Variants in MAD1L1 observed in about 807,000 individuals in gnomAD.
MAD1L1 encodes the protein mitotic arrest deficient 1 like 1, also known as mitotic spindle assembly checkpoint protein MAD1.
Under a neutral mutation model 96.9 loss-of-function variants are expected in MAD1L1, and 95 were observed. That is an observed-to-expected ratio of 0.98 (90% confidence interval 0.83 to 1.16). The LOEUF (loss-of-function observed/expected upper bound fraction) is 1.16. Among genes scored for constraint, MAD1L1 ranks in the 50% most tolerant of loss-of-function variants. The pLI, the probability that MAD1L1 is intolerant of heterozygous loss-of-function variation, is 0.00. For missense variants in MAD1L1, 1,007 were observed against 954.4 expected (o/e 1.06, Z -0.73); for synonymous variants, 473 against 396.6 (o/e 1.19, Z -2.29).
At chr7:2,222,994 T>C (rs1793691254) in intron 4 of MAD1L1, among the ~76,000 whole-genome samples, 1 of 152,202 alleles carries the variant, frequency 6.6e-6, no homozygotes, top group Non-Finnish European at 1.5e-5. Flanking sequence ...GGAAGGGCAC[T>C]TGGCACAGAT....
Position 1,845,626 on chromosome 7 carries a change from G to A in MAD1L1, c.1999-29398C>T, listed in dbSNP as rs138850376. ...AGACATGCGTCCGGCTCTGGTTCAC[G>A]GGGAAGAGCGCTGTTTAGGAGACGG... On this transcript the variant is annotated intron_variant, in intron 18 of 18. Coordinates refer to ENST00000265854, the MANE Select transcript of MAD1L1 (RefSeq NM_001013836.2). The A allele has an allele frequency of 6.1e-3, 887 of 144,652 alleles. 24 individuals carry two copies. The highest frequency in any genetic ancestry group is 0.019 in the African/African-American group (757 of 40,094). 9.0% of individuals were successfully genotyped at this position (144,652 alleles called of 1,614,324 possible).
At chr7:2,059,481 AT>A (rs1303252118) in intron 12 of MAD1L1, among the ~76,000 whole-genome samples, 1 of 146,776 alleles carries the variant, frequency 6.8e-6, no homozygotes, top group African/African-American at 2.5e-5. Flanking sequence ...CTGGAGAGGG[AT>A]TGTGGCCAGA....
intron 12 of MAD1L1, among the ~76,000 whole-genome samples, chr7:2,055,669 C>CAA (rs35707803): frequency 2.2e-4 from 20 of 90,440 alleles, no homozygotes; most frequent in Non-Finnish European, 2.1e-4. Flanking sequence ...GACCCTGTCT[C>CAA]AAAAAAAAAA....
chr7:2,128,573 G>A (rs1034626173), intron 11 of MAD1L1, among the ~76,000 whole-genome samples: 1 of 152,230 alleles, frequency 6.6e-6, no homozygotes, highest in African/African-American at 2.4e-5. Flanking sequence ...CCTCGCAAAG[G>A]GCACAGGCAC....
In MAD1L1 at chr7:2,010,406, C is replaced by T. The variant is rs560085613; in HGVS notation, c.1359+4096G>A. Among the ~76,000 whole-genome samples the T allele has an allele frequency of 5.3e-5, 8 of 152,310 alleles. No homozygotes were observed. The South Asian group carries it at 1.0e-3, about 20-fold the overall frequency. On this transcript the variant is annotated intron_variant, in intron 13 of 18. Transcript: ENST00000265854. ...CGGGGATTCTCCACACACCTCCACA[C>T]GGCCAGCAGCGCAGTAATCGCTTTT...
chr7:2,211,211 C>T (rs539643416), intron 10 of MAD1L1, among the ~76,000 whole-genome samples: 1 of 152,320 alleles, frequency 6.6e-6, no homozygotes, highest in African/African-American at 2.4e-5. Flanking sequence ...TCATCCAGGG[C>T]CTGGCCACCA....
intron 10 of MAD1L1, among the ~76,000 whole-genome samples, chr7:2,208,900 C>G (rs1433277883): frequency 6.6e-6 from 1 of 152,148 alleles, no homozygotes; most frequent in Non-Finnish European, 1.5e-5. Flanking sequence ...AAGCTGATCA[C>G]ATCGCTGCCT....
chr7:2,137,284 G>A (rs932092077), intron 11 of MAD1L1, among the ~76,000 whole-genome samples: 15 of 152,316 alleles, frequency 9.8e-5, no homozygotes, highest in Non-Finnish European at 1.3e-4. Context: ...AATGTTTGAG[G>A]AAATCTACAT....
At chr7:2,048,298 A>G (rs1162728121) in intron 12 of MAD1L1, among the ~76,000 whole-genome samples, 2 of 152,220 alleles carry the variant, frequency 1.3e-5, no homozygotes, top group Non-Finnish European at 2.9e-5. Flanking sequence ...CTGGGCTGCG[A>G]ATCCTGCCTG....
chr7:1,862,018 G>A (rs1209277817), intron 18 of MAD1L1, among the ~76,000 whole-genome samples: 1 of 152,176 alleles, frequency 6.6e-6, no homozygotes, highest in Non-Finnish European at 1.5e-5. Context: ...GACGCAGAGT[G>A]ACTAGAGAAG....
chr7:2,105,392 C>T (rs2128553302), intron 11 of MAD1L1, among the ~76,000 whole-genome samples: 2 of 125,618 alleles, frequency 1.6e-5, no homozygotes, highest in South Asian at 2.8e-4. Context: ...CCCTACGGGG[C>T]GGTCTCTGCT....
At chr7:1,840,575 C>CA (rs1333514006) in intron 18 of MAD1L1, among the ~76,000 whole-genome samples, 2 of 151,978 alleles carry the variant, frequency 1.3e-5, no homozygotes, top group Non-Finnish European at 2.9e-5. Context: ...ACTAAAAATA[C>CA]AAAAAAAGCC....
intron 12 of MAD1L1, among the ~76,000 whole-genome samples, chr7:2,039,671 A>G (rs1042303818): frequency 4.6e-5 from 7 of 152,216 alleles, no homozygotes; most frequent in African/African-American, 1.4e-4. Flanking sequence ...AGGTCTGTCT[A>G]TATCTTTTGC....
chr7:1,828,449 A>T (rs899895664), intron 18 of MAD1L1, among the ~76,000 whole-genome samples: 1 of 152,116 alleles, frequency 6.6e-6, no homozygotes, highest in Admixed American at 6.5e-5. Flanking sequence ...AAAACCCAGA[A>T]AATGGCACCC....
chr7:2,046,352 C>T (rs777188024), intron 12 of MAD1L1, among the ~76,000 whole-genome samples: 10 of 152,176 alleles, frequency 6.6e-5, no homozygotes, highest in Non-Finnish European at 1.3e-4. Flanking sequence ...ACCTCAGGGC[C>T]GTCCAGCGAG....
chr7:2,227,971 C>G lies in MAD1L1; in HGVS notation c.150+2013G>C, dbSNP rs543628803. 2.0e-5 allele frequency among the ~76,000 whole-genome samples: 3 copies of G among 152,326 alleles called. No individual in the cohort carries two copies. The South Asian group carries it at 6.2e-4, about 32-fold the overall frequency. ...TGTGAGAAACCAGACAGCACACATTCCCCCGGCCTGCCATGTTCTCCAGGC... is the reference window on the plus strand; with the variant it reads ...TGTGAGAAACCAGACAGCACACATTGCCCCGGCCTGCCATGTTCTCCAGGC... On this transcript the variant is annotated intron_variant, in intron 3 of 18. Transcript: ENST00000265854.
At chr7:2,095,006 T>A (rs1480390160) in intron 11 of MAD1L1, among the ~76,000 whole-genome samples, 4 of 152,160 alleles carry the variant, frequency 2.6e-5, no homozygotes, top group African/African-American at 9.7e-5. Flanking sequence ...TTTTTCAAAC[T>A]GAGCAATCAT....
chr7:1,907,609 C>T (rs1787747278), intron 17 of MAD1L1, among the ~76,000 whole-genome samples: 1 of 152,258 alleles, frequency 6.6e-6, no homozygotes, highest in Non-Finnish European at 1.5e-5. Flanking sequence ...CATACACTGC[C>T]TGTGCGTTCA....
chr7:2,017,482 TAC>T (rs1251997896), intron 12 of MAD1L1, among the ~76,000 whole-genome samples: 1 of 152,156 alleles, frequency 6.6e-6, no homozygotes, highest in African/African-American at 2.4e-5. Flanking sequence ...GTGCCCTGGA[TAC>T]ACCGGCCGAT....
Sources: allele counts gnomAD v4.1 joint callset (sites outside exome capture counted in the v4.1 genomes callset), GRCh38; gene constraint gnomAD v4.1.1; transcripts MANE v1.5; gene names NCBI Gene and HGNC (gene_info 2026-07-23, HGNC 2026-07-21).